The following METAP1D variants were observed in gnomAD, a reference collection of about 807,000 sequenced individuals.
METAP1D encodes the protein methionyl aminopeptidase type 1D, mitochondrial, also known as methionine aminopeptidase 1D, mitochondrial.
METAP1D carries 31 observed loss-of-function variants against 40.5 expected under a neutral mutation model. The ratio of observed to expected loss-of-function variants is 0.77; its 90% CI spans 0.58 to 1.03. The LOEUF (loss-of-function observed/expected upper bound fraction) is 1.03. Ranked by LOEUF, METAP1D falls within the 50% of genes least tolerant of loss-of-function variation. The probability of loss-of-function intolerance (pLI) is 0.00; values close to 1 mark genes in which losing one functional copy is unlikely to be tolerated. For missense variants in METAP1D, 411 were observed against 420.7 expected, an observed-to-expected ratio of 0.98 and a Z score of 0.20; for synonymous variants, 151 against 146.4, an observed-to-expected ratio of 1.03 and a Z score of -0.22.
At chr2:172,047,408 T>C (rs1689785049) in intron 1 of METAP1D, among the ~76,000 whole-genome samples, 1 of 152,152 alleles carries the variant, frequency 6.6e-6, no homozygotes, top group South Asian at 2.1e-4. Flanking sequence ...GACTGAATGG[T>C]ATTTAGTAAC....
intron 1 of METAP1D, among the ~76,000 whole-genome samples, chr2:172,009,082 T>C (rs1008243991): frequency 6.6e-6 from 1 of 151,758 alleles, no homozygotes; most frequent in Non-Finnish European, 1.5e-5. Context: ...GCCGTGTCTC[T>C]CAGGCTGGAG....
chr2:172,061,821 A>G lies in METAP1D; in HGVS notation c.198+166A>G, dbSNP rs138195183. ...ATTTGAGAAGTTTTAATATCCTGCA[A>G]TTCTATAGCATTAATTTTTTAAAAC... On this transcript the variant is annotated intron_variant, in intron 2 of 9. Coordinates refer to ENST00000315796, the MANE Select transcript of METAP1D (RefSeq NM_199227.3). 1,737 of 478,264 alleles carry G rather than the reference A, an allele frequency of 3.6e-3. 20 individuals are homozygous for G. The highest frequency in any genetic ancestry group is 0.023 in the African/African-American group (1,183 of 50,440). 29.6% of individuals were successfully genotyped at this position (478,264 alleles called of 1,614,324 possible).
chr2:172,006,345 A>C (rs1459159108), intron 1 of METAP1D, among the ~76,000 whole-genome samples: 2 of 151,980 alleles, frequency 1.3e-5, no homozygotes, highest in Non-Finnish European at 2.9e-5. Flanking sequence ...CACCACGCCC[A>C]GCTAATTTTT....
At chr2:172,042,111 A>G (rs906554051) in intron 1 of METAP1D, among the ~76,000 whole-genome samples, 2 of 122,938 alleles carry the variant, frequency 1.6e-5, no homozygotes, top group South Asian at 5.3e-4. Flanking sequence ...AGAAATATAT[A>G]TTTTTTCATT....
At chr2:172,009,006 C>A (rs1688651217) in intron 1 of METAP1D, among the ~76,000 whole-genome samples, 2 of 151,360 alleles carry the variant, frequency 1.3e-5, no homozygotes, top group Admixed American at 1.3e-4. Flanking sequence ...CTGTGCAGAA[C>A]GGTGTGTTTG....
intron 1 of METAP1D, among the ~76,000 whole-genome samples, chr2:172,001,143 T>A (rs1688452191): frequency 6.7e-6 from 1 of 148,880 alleles, no homozygotes; most frequent in Non-Finnish European, 1.5e-5. Flanking sequence ...ATGACTCTAA[T>A]TTTTTTTTTT....
intron 6 of METAP1D, 50 bp downstream of exon 6, chr2:172,071,120 GT>G (rs1690414003): frequency 1.4e-6 from 2 of 1,458,210 alleles, no homozygotes; most frequent in African/African-American, 2.9e-5. Flanking sequence ...TGGTACAAAG[GT>G]TATTGGTGGC....
intron 1 of METAP1D, among the ~76,000 whole-genome samples, chr2:172,018,335 A>G (rs1380056258): frequency 6.6e-6 from 1 of 152,118 alleles, no homozygotes. Context: ...ACAACAGGAA[A>G]CAAGCAAAAA....
intron 1 of METAP1D, among the ~76,000 whole-genome samples, chr2:172,034,255 A>G (rs1404205327): frequency 6.6e-6 from 1 of 152,184 alleles, no homozygotes; most frequent in Non-Finnish European, 1.5e-5. Flanking sequence ...TGATAGATAC[A>G]TGGGGATTTG....
chr2:172,001,539 GA>G (rs201208921), intron 1 of METAP1D, among the ~76,000 whole-genome samples: 2 of 147,114 alleles, frequency 1.4e-5, no homozygotes, highest in African/African-American at 2.5e-5. Flanking sequence ...CTCCGTCTCA[GA>G]AAAAAAAAAT....
At chr2:172,055,864 A>T (rs1429619354) in intron 1 of METAP1D, among the ~76,000 whole-genome samples, 1 of 152,172 alleles carries the variant, frequency 6.6e-6, no homozygotes, top group East Asian at 1.9e-4. Context: ...TTCGAATTTT[A>T]CCATCCAGTC....
chr2:172,078,782 C>T (rs1275676613), intron 7 of METAP1D, among the ~76,000 whole-genome samples: 5 of 152,158 alleles, frequency 3.3e-5, no homozygotes, highest in Admixed American at 1.3e-4. Flanking sequence ...AAGTCAGGCC[C>T]CTGCTCCCCA....
chr2:172,073,123 C>A (rs1391326365), intron 6 of METAP1D, among the ~76,000 whole-genome samples: 2 of 152,088 alleles, frequency 1.3e-5, no homozygotes, highest in Admixed American at 6.5e-5. Flanking sequence ...ATCATTAAGA[C>A]TAATAACACA....
rs540044833 is a variant in METAP1D, at chr2:172,063,822, G to A, written c.310G>A (p.Ala104Thr). The change falls in exon 3 of 10, where the codon GCC becomes ACC. Residue 104 changes from alanine (A) to threonine (T), a missense_variant. Ala to Thr is a moderately conservative substitution (Grantham distance 58). Coordinates refer to ENST00000315796, the MANE Select transcript of METAP1D (RefSeq NM_199227.3). ...AGGGCTTCATCAGGCTTGTCAGCTGGCCCGCCACGTCCTCCTCTTGGCTGG... is the reference window on the plus strand; with the variant it reads ...AGGGCTTCATCAGGCTTGTCAGCTGACCCGCCACGTCCTCCTCTTGGCTGG... ...IQGLHQACQL[A>T]RHVLLLAGKS... 6.2e-7 allele frequency: 1 copy of A among 1,613,704 alleles called. No homozygotes were observed. Among genetic ancestry groups the A allele is most frequent in the African/African-American group, 1.3e-5 (1 of 75,008 alleles).
At chr2:172,016,578 G>A (rs528052143) in intron 1 of METAP1D, among the ~76,000 whole-genome samples, 38 of 151,786 alleles carry the variant, frequency 2.5e-4, no homozygotes, top group Middle Eastern at 3.4e-3. Context: ...CCAGGATGGC[G>A]CCACTGTACT....
At chr2:172,063,671 G>A (rs770080876) in intron 2 of METAP1D, 40 bp from the exon 3 acceptor site, 5 of 1,493,942 alleles carry the variant, frequency 3.3e-6, no homozygotes, top group Middle Eastern at 1.7e-4. Flanking sequence ...ATTGTCGTGC[G>A]CTGGGTTCTG....
chr2:172,011,573 C>T (rs191822367), intron 1 of METAP1D, among the ~76,000 whole-genome samples: 21 of 152,326 alleles, frequency 1.4e-4, no homozygotes, highest in South Asian at 1.2e-3. Context: ...CGTGAGCCAC[C>T]GCGCCCGGCC....
intron 7 of METAP1D, 59 bp from the exon 8 acceptor site, chr2:172,079,155 GT>G (rs3841389): frequency 2.5e-4 from 340 of 1,373,370 alleles, no homozygotes; most frequent in Admixed American, 6.6e-4. Context: ...CCTGTAATCT[GT>G]TTTTTTTTTC....
chr2:172,066,236 A>G, intron 4 of METAP1D, 28 bp from the exon 5 acceptor site: 2 of 1,597,220 alleles, frequency 1.3e-6, no homozygotes, highest in South Asian at 1.1e-5. Flanking sequence ...TCTGTCTATC[A>G]CCATTTTTTT....
Sources: allele counts gnomAD v4.1 joint callset (sites outside exome capture counted in the v4.1 genomes callset), GRCh38; gene constraint gnomAD v4.1.1; transcripts MANE v1.5; gene names NCBI Gene and HGNC (gene_info 2026-07-23, HGNC 2026-07-21).